Variants in TMEM38A observed in about 807,000 individuals in gnomAD.
TMEM38A encodes trimeric intracellular cation channel type A.
A neutral mutation model predicts 28.6 loss-of-function variants in TMEM38A; 17 were observed. The observed-to-expected ratio is 0.60, with a 90% CI of 0.41 to 0.89. The LOEUF (loss-of-function observed/expected upper bound fraction) is 0.89, where lower values mean the gene tolerates loss of function less well. Ranked by LOEUF, TMEM38A falls within the 40% of genes least tolerant of loss-of-function variation. TMEM38A has a pLI of 0.00. For missense variants in TMEM38A, 328 were observed against 393.1 expected, an observed-to-expected ratio of 0.83 and a Z score of 1.40; for synonymous variants, 169 against 166.1, an observed-to-expected ratio of 1.02 and a Z score of -0.14.
At chr19:16,665,111 A>C (rs1245453425) in intron 1 of TMEM38A, among the ~76,000 whole-genome samples, 1 of 152,136 alleles carries the variant, frequency 6.6e-6, no homozygotes, top group Non-Finnish European at 1.5e-5. Flanking sequence ...CCTGACCTAC[A>C]TGGAGAAACC....
chr19:16,678,580 C>T (rs896876548), intron 1 of TMEM38A, among the ~76,000 whole-genome samples: 3 of 151,174 alleles, frequency 2.0e-5, no homozygotes, highest in East Asian at 2.0e-4. Flanking sequence ...GGCAACATGG[C>T]GAAACCCCGT....
chr19:16,668,941 G>T (rs148234228), intron 1 of TMEM38A, among the ~76,000 whole-genome samples: 1 of 149,916 alleles, frequency 6.7e-6, no homozygotes, highest in African/African-American at 2.5e-5. Context: ...TGATTCTCCT[G>T]TGTCAGCCTC....
At position 16,661,768 on chromosome 19, in the gene TMEM38A, C is replaced by CTA. The variant is rs35335772; in HGVS notation, c.124+430_124+431dup. ...CGGATTGAGAGCGCCAGCGGAGTGTCTATAAGGGCCACTGCGCTGGGGGCT... is the reference window on the plus strand; with the variant it reads ...CGGATTGAGAGCGCCAGCGGAGTGTCTATATAAGGGCCACTGCGCTGGGGGCT... On this transcript the variant is annotated intron_variant, in intron 1 of 5. Coordinates refer to ENST00000187762, the MANE Select transcript of TMEM38A (RefSeq NM_024074.4). This position sits in a 1 kb window ranked among gnomAD's most constrained non-coding sequence, Gnocchi z 6.5. Among the ~76,000 whole-genome samples, 56,115 of 151,584 alleles carry CTA rather than the reference C, an allele frequency of 0.37. 16,055 individuals carry two copies. The highest frequency in any genetic ancestry group is 0.8 in the African/African-American group (32,978 of 41,236).
At chr19:16,665,015 C>T (rs923551438) in intron 1 of TMEM38A, among the ~76,000 whole-genome samples, 2 of 151,448 alleles carry the variant, frequency 1.3e-5, no homozygotes, top group East Asian at 3.9e-4. Context: ...ACAAAAATGG[C>T]TAGGCGCGGT....
intron 1 of TMEM38A, among the ~76,000 whole-genome samples, chr19:16,669,232 C>T (rs1448801901): frequency 3.5e-5 from 5 of 142,058 alleles, no homozygotes; most frequent in Non-Finnish European, 6.1e-5. Flanking sequence ...TTTTTTGAGA[C>T]GGAGTCACTC....
At chr19:16,668,510 A>G (rs2086712854) in intron 1 of TMEM38A, among the ~76,000 whole-genome samples, 2 of 151,174 alleles carry the variant, frequency 1.3e-5, no homozygotes, top group South Asian at 4.2e-4. Flanking sequence ...CTCAAAAAAA[A>G]AAAAAAAAAA....
At position 16,668,985 on chromosome 19, in the gene TMEM38A, C is replaced by T. The variant is rs370469283; in HGVS notation, c.124+7644C>T. Among the ~76,000 whole-genome samples, 11 of 151,882 alleles carry T rather than the reference C, an allele frequency of 7.2e-5. No individual in the cohort carries two copies. In the East Asian group the frequency reaches 1.2e-3, roughly 16 times the overall value. ...CTAGGATTACAAGCATGTGCCACCA[C>T]GCCTGGCTAATTTTTTGTATTTTTA... On this transcript the variant is annotated intron_variant, in intron 1 of 5. Coordinates refer to ENST00000187762, the MANE Select transcript of TMEM38A (RefSeq NM_024074.4).
In TMEM38A at chr19:16,661,465, C is replaced by A; in HGVS notation, c.124+124C>A. The A allele has an allele frequency of 1.2e-6, 1 of 837,168 alleles. No homozygotes were observed. The highest frequency in any genetic ancestry group is 1.7e-6 in the Non-Finnish European group (1 of 594,334). The allele number at this position is 837,168 out of a possible 1,614,324, so 51.9% of individuals were successfully genotyped here. A position where few individuals can be genotyped will look rare whatever the true frequency, so the allele number is the denominator to read the frequency against. ...GAGCGAGGGACAGGTTCAAGGATTGCATCGTGGGAGTAGGCAGGCGCTAGA... is the reference window on the plus strand; with the variant it reads ...GAGCGAGGGACAGGTTCAAGGATTGAATCGTGGGAGTAGGCAGGCGCTAGA... On this transcript the variant is annotated intron_variant, in intron 1 of 5. Coordinates refer to ENST00000187762, the MANE Select transcript of TMEM38A (RefSeq NM_024074.4). The surrounding 1 kb of genome is among the most constrained non-coding windows in gnomAD (Gnocchi z 6.5).
chr19:16,688,069 T>A, intron 5 of TMEM38A, 75 bp from the exon 6 acceptor site: 5 of 1,037,386 alleles, frequency 4.8e-6, no homozygotes, highest in Non-Finnish European at 6.7e-6. Flanking sequence ...CTCCCCACCC[T>A]GCCCTCCACT....
intron 1 of TMEM38A, 43 bp from the exon 2 acceptor site, chr19:16,679,941 T>A: frequency 6.4e-7 from 1 of 1,555,816 alleles, no homozygotes; most frequent in Non-Finnish European, 8.7e-7. Flanking sequence ...AAGCCTGCCC[T>A]TGGCATGCTG....
intron 1 of TMEM38A, among the ~76,000 whole-genome samples, chr19:16,677,182 G>A (rs1356840269): frequency 6.6e-6 from 1 of 151,842 alleles, no homozygotes; most frequent in Non-Finnish European, 1.5e-5. Flanking sequence ...TCTTGGAAGA[G>A]TTTATGACTC....
At chr19:16,685,345 C>T (rs1232467101) in intron 4 of TMEM38A, among the ~76,000 whole-genome samples, 2 of 152,116 alleles carry the variant, frequency 1.3e-5, no homozygotes, top group Non-Finnish European at 2.9e-5. Context: ...GAGATCATGC[C>T]ACTGCATTCC....
Position 16,679,937 on chromosome 19 carries a change from G to A in TMEM38A, c.125-47G>A, listed in dbSNP as rs374004219. On this transcript the variant is annotated intron_variant, in intron 1 of 5. Transcript: ENST00000187762. ...ACCAGAGCATATGGGAGTGAAGCCT[G>A]CCCTTGGCATGCTGGTGATGATGGG... 4.0e-5 allele frequency: 62 copies of A among 1,553,238 alleles called. No homozygotes were observed. The African/African-American group carries it at 7.1e-4, about 18-fold the overall frequency.
chr19:16,669,098 G>A (rs1005732916), intron 1 of TMEM38A, among the ~76,000 whole-genome samples: 3 of 151,992 alleles, frequency 2.0e-5, no homozygotes, highest in Admixed American at 6.6e-5. Context: ...CCAAAGTGTT[G>A]GGATTACAGG....
Position 16,688,214 on chromosome 19 carries a change from T to C in TMEM38A, c.743T>C (p.Leu248Pro). ...CTGGAGGGCTACATCTGCCCCGTGC[T>C]GTTTGGTTCGGCCTGCGGGGGTGAC... ...DALEGYICPV[L>P]FGSACGGDHH... is the part of the protein sequence containing the mutation. Residue 248 changes from leucine (L) to proline (P), a missense_variant, in exon 6 of 6, where the codon CTG (leucine) becomes CCG (proline). Coordinates refer to ENST00000187762, the MANE Select transcript of TMEM38A (RefSeq NM_024074.4). The C allele has an allele frequency of 6.3e-7, 1 of 1,576,820 alleles. No homozygotes were observed. Among genetic ancestry groups the C allele is most frequent in the Non-Finnish European group, 8.6e-7 (1 of 1,160,144 alleles).
rs946586389 is a variant in TMEM38A, at chr19:16,689,131, C to G, written c.*760C>G. On this transcript the variant is annotated 3_prime_UTR_variant, in exon 6 of 6. Transcript: ENST00000187762. Reference sequence around the variant, plus strand: ...CTGCCATTTCAAAGTCTCTTCTTACCACGCTCCTCAGTGGCTAGACATTTT... The same window carrying G: ...CTGCCATTTCAAAGTCTCTTCTTACGACGCTCCTCAGTGGCTAGACATTTT... 1 of 152,104 alleles carries G rather than the reference C, an allele frequency of 6.6e-6. No homozygotes were observed. The highest frequency in any genetic ancestry group is 2.4e-5 in the African/African-American group (1 of 41,408). 9.4% of individuals were successfully genotyped at this position (152,104 alleles called of 1,614,324 possible).
intron 1 of TMEM38A, among the ~76,000 whole-genome samples, chr19:16,675,697 T>C (rs987565977): frequency 6.6e-6 from 1 of 151,686 alleles, no homozygotes. Flanking sequence ...TACAGGCGCC[T>C]CCCGCAACGC....
At chr19:16,674,635 A>T (rs982266443) in intron 1 of TMEM38A, among the ~76,000 whole-genome samples, 3 of 151,744 alleles carry the variant, frequency 2.0e-5, no homozygotes, top group African/African-American at 7.3e-5. Flanking sequence ...ACTTGTCTCT[A>T]CTAAAAATAC....
intron 1 of TMEM38A, among the ~76,000 whole-genome samples, chr19:16,670,094 C>T (rs917560506): frequency 8.0e-5 from 12 of 149,088 alleles, no homozygotes; most frequent in African/African-American, 2.5e-4. Flanking sequence ...CTCAGCCTCC[C>T]GAGTAGCTGG....
Sources: allele counts gnomAD v4.1 joint callset (sites outside exome capture counted in the v4.1 genomes callset), GRCh38; gene constraint gnomAD v4.1.1; non-coding constraint Gnocchi (gnomAD v3.1); transcripts MANE v1.5; gene names NCBI Gene and HGNC (gene_info 2026-07-23, HGNC 2026-07-21).